Variants in EML6 observed in about 807,000 individuals in gnomAD.
EML6 encodes echinoderm microtubule-associated protein-like 6.
Under a neutral mutation model 240.1 loss-of-function variants are expected in EML6, and 154 were observed. The ratio of observed to expected loss-of-function variants is 0.64; its 90% CI spans 0.56 to 0.73. The LOEUF (loss-of-function observed/expected upper bound fraction) is 0.73, where lower values mean the gene tolerates loss of function less well. EML6 is among the 30% of genes least tolerant of loss of function. The pLI is 0.00. For missense variants in EML6, 2,964 were observed against 2,474.6 expected, an observed-to-expected ratio of 1.20 and a Z score of -4.20; for synonymous variants, 1,148 against 899.0, an observed-to-expected ratio of 1.28 and a Z score of -4.95.
chr2:54,739,036 A>G (rs111405030), intron 2 of EML6, among the ~76,000 whole-genome samples: 5,475 of 152,278 alleles, frequency 0.036, 289 homozygotes, highest in African/African-American at 0.12. Flanking sequence ...TGAGACCAGG[A>G]GTTTGAGACC....
intron 39 of EML6, 144 bp from the exon 40 acceptor site, chr2:54,967,984 A>G: frequency 1.3e-6 from 1 of 742,366 alleles, no homozygotes; most frequent in South Asian, 1.7e-5. Flanking sequence ...CAGGCCATGG[A>G]CCAGTACCGT....
chr2:54,802,662 A>ACTGCTACTG (rs1553381898), intron 2 of EML6, among the ~76,000 whole-genome samples: 76 of 145,684 alleles, frequency 5.2e-4, no homozygotes, highest in African/African-American at 2.0e-3. Context: ...TACTACTACT[A>ACTGCTACTG]CTACTGCTAC....
intron 2 of EML6, among the ~76,000 whole-genome samples, chr2:54,789,288 C>T (rs543100082): frequency 1.1e-4 from 17 of 151,908 alleles, no homozygotes; most frequent in East Asian, 9.7e-4. Context: ...CCAAGGCGGG[C>T]GGATCACGAG....
chr2:54,971,976 C>T lies in EML6; in HGVS notation c.*1881C>T, dbSNP rs191098487. On this transcript the variant is annotated 3_prime_UTR_variant, in exon 42 of 42. Transcript: ENST00000356458. ...GAATTTATTTTCAAAGTATAAAACA[C>T]ATCACTTAAACATTTTATGTGTCAA... 2 of 152,238 alleles carry T rather than the reference C, an allele frequency of 1.3e-5. No individual in the cohort carries two copies. Among genetic ancestry groups the T allele is most frequent in the South Asian group, 2.1e-4 (1 of 4,826 alleles). 9.4% of individuals were successfully genotyped at this position (152,238 alleles called of 1,614,324 possible). A position where few individuals can be genotyped will look rare whatever the true frequency, so the allele number is the denominator to read the frequency against.
intron 2 of EML6, among the ~76,000 whole-genome samples, chr2:54,792,222 G>C (rs1410288030): frequency 2.0e-5 from 3 of 151,940 alleles, no homozygotes. Context: ...TATTGTGTTG[G>C]GCAGAATGAA....
chr2:54,772,395 G>T (rs1668438658), intron 2 of EML6, among the ~76,000 whole-genome samples: 1 of 152,186 alleles, frequency 6.6e-6, no homozygotes, highest in Non-Finnish European at 1.5e-5. Context: ...GACTTTGAAG[G>T]ATTTCACCAG....
intron 13 of EML6, among the ~76,000 whole-genome samples, chr2:54,864,672 T>C (rs1425964748): frequency 6.6e-6 from 1 of 152,226 alleles, no homozygotes; most frequent in Non-Finnish European, 1.5e-5. Flanking sequence ...AGATTTAAGA[T>C]ATAGGCCTAT....
intron 8 of EML6, 66 bp from the exon 9 acceptor site, chr2:54,847,420 C>A: frequency 6.6e-7 from 1 of 1,516,814 alleles, no homozygotes; most frequent in South Asian, 1.2e-5. Context: ...GCCCTTCTTG[C>A]CTTGGGCTGG....
intron 2 of EML6, among the ~76,000 whole-genome samples, chr2:54,777,608 T>C (rs903673060): frequency 6.6e-6 from 1 of 152,164 alleles, no homozygotes; most frequent in Non-Finnish European, 1.5e-5. Context: ...TTAACTCCTG[T>C]ATTTTGTCAT....
intron 2 of EML6, among the ~76,000 whole-genome samples, chr2:54,798,023 T>A (rs1008000443): frequency 6.6e-6 from 1 of 152,210 alleles, no homozygotes; most frequent in Admixed American, 6.5e-5. Flanking sequence ...GTTTGTCAAT[T>A]TCTATAAAAA....
intron 2 of EML6, among the ~76,000 whole-genome samples, chr2:54,738,867 G>A (rs988450099): frequency 2.6e-5 from 4 of 152,186 alleles, no homozygotes; most frequent in African/African-American, 2.4e-5. Context: ...GAACATATAT[G>A]CAGTTCCACC....
At chr2:54,856,301 A>T (rs889496601) in intron 11 of EML6, among the ~76,000 whole-genome samples, 1 of 152,182 alleles carries the variant, frequency 6.6e-6, no homozygotes, top group East Asian at 1.9e-4. Context: ...GCCTTGCTCA[A>T]TGACAATTTT....
intron 25 of EML6, among the ~76,000 whole-genome samples, chr2:54,912,083 A>G (rs1018645040): frequency 1.3e-5 from 2 of 152,214 alleles, no homozygotes; most frequent in Non-Finnish European, 1.5e-5. Context: ...AGTATCTTAA[A>G]CTGTCCCAGT....
intron 2 of EML6, among the ~76,000 whole-genome samples, chr2:54,812,723 A>G (rs375481062): frequency 2.6e-5 from 4 of 152,296 alleles, no homozygotes; most frequent in South Asian, 2.1e-4. Context: ...TTTGTAATCT[A>G]TAGCAACAGA....
chr2:54,825,734 C>G (rs545713872), intron 5 of EML6, among the ~76,000 whole-genome samples: 1 of 152,272 alleles, frequency 6.6e-6, no homozygotes, highest in South Asian at 2.1e-4. Flanking sequence ...CCCTGCCACG[C>G]ACACACATAG....
chr2:54,770,719 G>A (rs536541922), intron 2 of EML6, among the ~76,000 whole-genome samples: 2 of 152,182 alleles, frequency 1.3e-5, no homozygotes, highest in African/African-American at 4.8e-5. Context: ...CATCTCTGTC[G>A]TTAGTTGATA....
chr2:54,964,805 C>T (rs539888343), intron 38 of EML6, 72 bp downstream of exon 38: 275 of 1,406,756 alleles, frequency 2.0e-4, no homozygotes, highest in Non-Finnish European at 2.4e-4. Context: ...CTATATTAAT[C>T]GAGTCCTTAC....
intron 25 of EML6, among the ~76,000 whole-genome samples, chr2:54,911,893 C>G (rs906028269): frequency 1.3e-5 from 2 of 152,212 alleles, no homozygotes; most frequent in Non-Finnish European, 2.9e-5. Flanking sequence ...AATCCCTAAA[C>G]TAACACCTCT....
intron 2 of EML6, among the ~76,000 whole-genome samples, chr2:54,793,097 A>C (rs1283340083): frequency 6.6e-6 from 1 of 152,050 alleles, no homozygotes; most frequent in Non-Finnish European, 1.5e-5. Flanking sequence ...GTGTAACTCC[A>C]TCTCTACAAA....
Sources: gnomAD v4.1 joint callset for allele counts (sites outside exome capture counted in the v4.1 genomes callset) on GRCh38, gnomAD v4.1.1 for gene constraint, MANE v1.5 for transcripts, NCBI Gene and HGNC (gene_info 2026-07-23, HGNC 2026-07-21) for gene names.